The following ACTN4 variants were observed in gnomAD, a reference collection of about 807,000 sequenced individuals.
ACTN4 encodes alpha-actinin-4.
Under a neutral mutation model 114.2 loss-of-function variants are expected in ACTN4, and 18 were observed. The ratio of observed to expected loss-of-function variants is 0.16; its 90% CI spans 0.11 to 0.23. The LOEUF is 0.23. ACTN4 is among the 10% of genes least tolerant of loss of function. ACTN4 has a pLI of 1.00. For synonymous variants in ACTN4, 515 were observed against 506.3 expected, an observed-to-expected ratio of 1.02 and a Z score of -0.23; for missense variants, 722 against 1,262.9, an observed-to-expected ratio of 0.57 and a Z score of 6.49.
In ACTN4 at chr19:38,717,204, C is replaced by T. The variant is rs766315573; in HGVS notation, c.1031C>T (p.Pro344Leu). Residue 344 changes from proline to leucine, a missense_variant, in exon 10 of 21, where the codon CCG becomes CTG. Physicochemically the swap from Pro to Leu is moderately conservative, Grantham distance 98. Around this residue, in one of 3 missense-constraint regions of ACTN4, gnomAD observed 523 missense variants for 875.9 expected, o/e 0.60. Transcript: ENST00000252699. The surrounding 1 kb of genome is among the most constrained non-coding windows in gnomAD (Gnocchi z 4.0). ...CGCGACTACCGGCGTGTGCACAAGC[C>T]GCCCAAGGTGCAGGAGAAGTGCCAG... The part of the protein sequence containing the change: ...DFRDYRRVHK[P>L]PKVQEKCQLE... The T allele has an allele frequency of 3.1e-6, 5 of 1,614,232 alleles. No homozygotes were observed. Among genetic ancestry groups the T allele is most frequent in the Non-Finnish European group, 4.2e-6 (5 of 1,180,058 alleles).
At chr19:38,708,399 G>C (rs990784374) in intron 6 of ACTN4, among the ~76,000 whole-genome samples, 3 of 152,136 alleles carry the variant, frequency 2.0e-5, no homozygotes, top group Non-Finnish European at 4.4e-5. Context: ...TCCCCTCGTG[G>C]ACTGTCCAGT....
In ACTN4 at chr19:38,730,557, T is replaced by G. The variant is rs1312221593; in HGVS notation, c.*1125T>G. 4.1e-6 allele frequency: 2 copies of G among 485,848 alleles called. No homozygotes were observed. The highest frequency in any genetic ancestry group is 3.8e-5 in the African/African-American group (2 of 52,044). 30.1% of individuals were successfully genotyped at this position (485,848 alleles called of 1,614,324 possible). Reference sequence around the variant, plus strand: ...TTCCTGCAGCATCATCTTTTTTTATTTCTCCTGTGTCTGTCCTCCACCTTC... The same window carrying G: ...TTCCTGCAGCATCATCTTTTTTTATGTCTCCTGTGTCTGTCCTCCACCTTC... On this transcript the variant is annotated 3_prime_UTR_variant, in exon 21 of 21. Coordinates refer to ENST00000252699, the MANE Select transcript of ACTN4 (RefSeq NM_004924.6).
intron 19 of ACTN4, 121 bp from the exon 20 acceptor site, chr19:38,728,875 A>G: frequency 1.6e-6 from 2 of 1,271,934 alleles, no homozygotes; most frequent in Non-Finnish European, 2.3e-6. Context: ...AACAGGGCGC[A>G]CGCACACGTG....
chr19:38,654,947 C>G (rs1291462025), intron 1 of ACTN4, among the ~76,000 whole-genome samples: 1 of 152,084 alleles, frequency 6.6e-6, no homozygotes, highest in African/African-American at 2.4e-5. Context: ...GTGGGATTTG[C>G]TGTTTGCCAC....
rs114956873 is a variant in ACTN4, at chr19:38,688,630, G to C, written c.163-11970G>C. 2.6e-3 allele frequency among the ~76,000 whole-genome samples: 398 copies of C among 151,958 alleles called. 1 individual carries two copies. Among genetic ancestry groups the C allele is most frequent in the African/African-American group, 9.4e-3 (389 of 41,440 alleles). On this transcript the variant is annotated intron_variant, in intron 1 of 20. Transcript: ENST00000252699. Reference sequence around the variant, plus strand: ...TAGTAGCATATTCCTGGGAGGCTGAGGTGGGCAGATTGCTTGAGCCCAGGA... The same window carrying C: ...TAGTAGCATATTCCTGGGAGGCTGACGTGGGCAGATTGCTTGAGCCCAGGA...
intron 1 of ACTN4, among the ~76,000 whole-genome samples, chr19:38,670,734 C>A (rs1967101405): frequency 6.6e-6 from 1 of 151,922 alleles, no homozygotes; most frequent in African/African-American, 2.4e-5. Context: ...ACCATCCTGG[C>A]CAACATGGTG....
chr19:38,730,718 G>GAGCA lies in ACTN4; in HGVS notation c.*1287_*1290dup, dbSNP rs1969518695. 35 of 1,127,802 alleles carry GAGCA rather than the reference G, an allele frequency of 3.1e-5. No homozygotes were observed. Among genetic ancestry groups the GAGCA allele is most frequent in the South Asian group, 1.4e-4 (10 of 71,854 alleles). The allele number at this position is 1,127,802 out of a possible 1,614,324, so 69.9% of individuals were successfully genotyped here. On this transcript the variant is annotated 3_prime_UTR_variant, in exon 21 of 21. Coordinates refer to ENST00000252699, the MANE Select transcript of ACTN4 (RefSeq NM_004924.6). ...CAGGCCAGAGTGGTCACCCGGCCGT[G>GAGCA]AGCAGTGAGGGCCAGAGACTAGCCC... is the stretch of plus-strand genomic sequence containing the variant.
In ACTN4 at chr19:38,724,320, TCAACTC is replaced by T. The variant is rs1327227916; in HGVS notation, c.1860_1865del (p.Asn620_Ser621del). The T allele has an allele frequency of 6.2e-7, 1 of 1,613,588 alleles. No homozygotes were observed. The highest frequency in any genetic ancestry group is 8.5e-7 in the Non-Finnish European group (1 of 1,179,966). On this transcript the variant is annotated inframe_deletion, in exon 15 of 21. Coordinates refer to ENST00000252699, the MANE Select transcript of ACTN4 (RefSeq NM_004924.6). The surrounding 1 kb of genome is among the most constrained non-coding windows in gnomAD (Gnocchi z 7.0). ...TACACCACCGTCACCCCGCAAATCA[TCAACTC>T]CAAGTGGGAGAAGGTGGGCCGGGGC... is the stretch of plus-strand genomic sequence containing the variant.
chr19:38,683,761 A>G (rs973010), intron 1 of ACTN4: 151,247 of 152,360 alleles, frequency 0.99, 75,080 homozygotes, highest in Middle Eastern at 1. Flanking sequence ...AACTCCTTGG[A>G]TTACTTTTTA....
intron 1 of ACTN4, among the ~76,000 whole-genome samples, chr19:38,687,984 A>G (rs1339262937): frequency 1.5e-5 from 2 of 137,606 alleles, no homozygotes; most frequent in African/African-American, 2.6e-5. Context: ...AGATCTACAA[A>G]TGGTCAATAA....
chr19:38,654,937 G>C (rs35488280), intron 1 of ACTN4, among the ~76,000 whole-genome samples: 1 of 152,198 alleles, frequency 6.6e-6, no homozygotes, highest in African/African-American at 2.4e-5. Context: ...GTGAGTTTAC[G>C]TGGGATTTGC....
intron 8 of ACTN4, among the ~76,000 whole-genome samples, chr19:38,711,640 C>G (rs1400375318): frequency 2.0e-5 from 3 of 152,230 alleles, no homozygotes; most frequent in Non-Finnish European, 4.4e-5. Context: ...GGCGGGGAAA[C>G]TGAAGCCCTG....
intron 9 of ACTN4, among the ~76,000 whole-genome samples, chr19:38,716,868 G>GAGA (rs1968859078): frequency 6.6e-6 from 1 of 152,242 alleles, no homozygotes; most frequent in African/African-American, 2.4e-5. Context: ...CAAGAGAACA[G>GAGA]TACAGTGATG....
At chr19:38,691,412 AAAC>A (rs539700585) in intron 1 of ACTN4, among the ~76,000 whole-genome samples, 10 of 148,662 alleles carry the variant, frequency 6.7e-5, no homozygotes, top group African/African-American at 2.2e-4. Context: ...AAAAAAAAAA[AAAC>A]AAAAAAAACA....
At chr19:38,682,224 A>G (rs948635266) in intron 1 of ACTN4, among the ~76,000 whole-genome samples, 10 of 152,200 alleles carry the variant, frequency 6.6e-5, no homozygotes, top group Non-Finnish European at 5.9e-5. Flanking sequence ...TATTTTTAAT[A>G]AAGATGGGAT....
chr19:38,704,564 G>A (rs534063580), intron 3 of ACTN4, among the ~76,000 whole-genome samples: 14 of 152,384 alleles, frequency 9.2e-5, no homozygotes, highest in Non-Finnish European at 1.5e-4. Context: ...CGCAGATTAC[G>A]GCAGAAATGT....
chr19:38,723,584 G>T (rs539003312), intron 12 of ACTN4, 30 bp from the exon 13 acceptor site: 1 of 1,542,722 alleles, frequency 6.5e-7, no homozygotes. Context: ...TGCCCTTGCC[G>T]AGTCTCATTG....
rs1365726322 is a variant in ACTN4 at position 38,723,942 on chromosome 19, A to G, written c.1557A>G (p.Thr519=). The G allele has an allele frequency of 3.1e-6, 5 of 1,612,462 alleles. No homozygotes were observed. The highest frequency in any genetic ancestry group is 3.4e-6 in the Non-Finnish European group (4 of 1,179,856). ...THSRREALEK[T]EKQLEAIDQL... ...CCTTCCCTCCCACACACTAGAAAACAGAGAAGCAGCTGGAGGCCATCGACC... is the reference window on the plus strand; with the variant it reads ...CCTTCCCTCCCACACACTAGAAAACGGAGAAGCAGCTGGAGGCCATCGACC... Residue 519 remains threonine (T), a synonymous_variant, in exon 14 of 21, where the codon ACA becomes ACG. Coordinates refer to ENST00000252699, the MANE Select transcript of ACTN4 (RefSeq NM_004924.6).
chr19:38,708,338 T>G, intron 6 of ACTN4, 143 bp downstream of exon 6: 1 of 901,774 alleles, frequency 1.1e-6, no homozygotes, highest in Non-Finnish European at 1.8e-6. Context: ...GAGAGCCTTG[T>G]GCAGGCTCTC....
Sources: gnomAD v4.1 joint callset for allele counts (sites outside exome capture counted in the v4.1 genomes callset) on GRCh38, gnomAD v4.1.1 for gene constraint, gnomAD v4.1.1 regional missense constraint, Gnocchi (gnomAD v3.1) non-coding constraint, MANE v1.5 for transcripts, NCBI Gene and HGNC (gene_info 2026-07-23, HGNC 2026-07-21) for gene names.